Variants in CNGB1 observed in about 807,000 individuals in gnomAD.
CNGB1 encodes the protein cyclic nucleotide-gated channel beta-1.
Under a neutral mutation model 151.7 loss-of-function variants are expected in CNGB1, and 126 were observed. The observed-to-expected ratio is 0.83, with a 90% confidence interval of 0.72 to 0.96. The LOEUF is 0.96. CNGB1 is among the 40% of genes least tolerant of loss of function. CNGB1 has a pLI of 0.00. For synonymous variants in CNGB1, 623 were observed against 635.1 expected (o/e 0.98, Z 0.29); for missense variants, 1,698 against 1,627.0 (o/e 1.04, Z -0.75).
intron 2 of CNGB1, among the ~76,000 whole-genome samples, chr16:57,964,923 G>T (rs759596676): frequency 6.6e-6 from 1 of 152,152 alleles, no homozygotes; most frequent in Non-Finnish European, 1.5e-5. Flanking sequence ...AGGAGCCCAC[G>T]CCCCTCATCC....
Position 57,942,653 on chromosome 16 carries a change from G to A in CNGB1, c.1122-2332C>T, listed in dbSNP as rs112738421. On this transcript the variant is annotated intron_variant, in intron 14 of 32. Transcript: ENST00000251102. ...GCTGAGATGGGAGGATTGCTTGAGTGCAGGAGTTCGAGACCAGCCTGAACA... is the reference window on the plus strand; with the variant it reads ...GCTGAGATGGGAGGATTGCTTGAGTACAGGAGTTCGAGACCAGCCTGAACA... Among the ~76,000 whole-genome samples the A allele has an allele frequency of 9.1e-3, 1,385 of 152,076 alleles. 17 individuals are homozygous for A. Among genetic ancestry groups the A allele is most frequent in the African/African-American group, 0.032 (1,321 of 41,484 alleles).
Position 57,964,476 on chromosome 16 carries a change from C to T in CNGB1, c.217+11G>A. The T allele has an allele frequency of 6.2e-7, 1 of 1,613,980 alleles. No homozygotes were observed. On this transcript the variant is annotated intron_variant, in intron 3 of 32. Transcript: ENST00000251102. ...TGCCATGCCAGCCTGGGCTTCAGCA[C>T]TCGCACTCACCCTGAGGGCTTGGGT...
rs751092081 is a variant in CNGB1, at chr16:57,884,141, C to T, written c.*23G>A. 6.2e-6 allele frequency: 10 copies of T among 1,613,792 alleles called. No individual in the cohort carries two copies. In the African/African-American group the frequency reaches 1.3e-4, roughly 22 times the overall value. On this transcript the variant is annotated 3_prime_UTR_variant, in exon 33 of 33. Coordinates refer to ENST00000251102, the MANE Select transcript of CNGB1 (RefSeq NM_001297.5). ...TGGGGACACACCTGCTGGAACTGCG[C>T]GCGGGATCCGCCTCACCCCACCTTA... is the stretch of plus-strand genomic sequence containing the variant.
chr16:57,936,379 C>G (rs1308828426), intron 16 of CNGB1, among the ~76,000 whole-genome samples: 1 of 152,184 alleles, frequency 6.6e-6, no homozygotes, highest in African/African-American at 2.4e-5. Context: ...TCCCAGACTC[C>G]CTGTCCAAGC....
intron 29 of CNGB1, among the ~76,000 whole-genome samples, chr16:57,898,384 CT>C (rs68119010): frequency 0.11 from 15,735 of 146,608 alleles, 2,540 homozygotes; most frequent in African/African-American, 0.35. Flanking sequence ...TTCAAATTGC[CT>C]TTTTTTTTTT....
In CNGB1 at chr16:57,920,490, G is replaced by T; in HGVS notation, c.1698C>A (p.Asp566Glu). 2 of 1,614,136 alleles carry T rather than the reference G, an allele frequency of 1.2e-6. No homozygotes were observed. The highest frequency in any genetic ancestry group is 1.7e-6 in the Non-Finnish European group (2 of 1,180,038). The change falls in exon 19 of 33, where the codon GAC becomes GAA. Residue 566 changes from aspartate to glutamate, a missense_variant. Asp to Glu is a conservative substitution (Grantham distance 45). Transcript: ENST00000251102. ...TASTNSAIIN[D>E]RLQELVKLFK... ...AGAGCTTCACCAGCTCCTGGAGCCG[G>T]TCGTTGATGATGGCGCTATTTGTGC...
intron 24 of CNGB1, 136 bp downstream of exon 24, chr16:57,912,794 T>G (rs1960760762): frequency 1.2e-6 from 1 of 854,162 alleles, no homozygotes; most frequent in Non-Finnish European, 1.9e-6. Context: ...CATGTATGTG[T>G]GTATGTTGTG....
intron 13 of CNGB1, 141 bp from the exon 14 acceptor site, chr16:57,949,580 C>A: frequency 7.2e-7 from 1 of 1,382,310 alleles, no homozygotes; most frequent in Non-Finnish European, 1.0e-6. Flanking sequence ...ACCTGGGGAG[C>A]CCCACCCGAG....
At chr16:57,947,962 C>T (rs1246555171) in intron 14 of CNGB1, among the ~76,000 whole-genome samples, 3 of 152,186 alleles carry the variant, frequency 2.0e-5, no homozygotes, top group Admixed American at 1.3e-4. Flanking sequence ...GTGGAGTTGG[C>T]GTTTCTGATG....
intron 24 of CNGB1, 137 bp downstream of exon 24, chr16:57,912,789 ATGTG>A (rs1232839005): frequency 5.0e-6 from 4 of 796,556 alleles, no homozygotes; most frequent in East Asian, 2.7e-5. Flanking sequence ...GTGTGCATGT[ATGTG>A]TGTATGTTGT....
Position 57,949,363 on chromosome 16 carries a change from C to T in CNGB1, c.1111G>A (p.Glu371Lys). The stretch of plus-strand genomic sequence containing the variant: ...GAGCAAATGACTTACTCAGTCACCT[C>T]CTCCTCTTCCTCCTCCTCCTCCTCT... ...EEEEEEEEEE[E>K]VTEVLLDSCV... is the part of the protein sequence containing the mutation. The change falls in exon 14 of 33, where the codon GAG (glutamate) becomes AAG (lysine). Residue 371 changes from glutamate to lysine, a missense_variant. Transcript: ENST00000251102. 1 of 1,611,010 alleles carries T rather than the reference C, an allele frequency of 6.2e-7. No homozygotes were observed. The highest frequency in any genetic ancestry group is 8.5e-7 in the Non-Finnish European group (1 of 1,179,962).
At chr16:57,935,856 G>A (rs1447393617) in intron 16 of CNGB1, among the ~76,000 whole-genome samples, 1 of 151,942 alleles carries the variant, frequency 6.6e-6, no homozygotes, top group Non-Finnish European at 1.5e-5. Flanking sequence ...GGCCGGGGTG[G>A]CACCCCTTAC....
intron 31 of CNGB1, among the ~76,000 whole-genome samples, chr16:57,890,951 G>A (rs529027756): frequency 6.4e-4 from 98 of 152,298 alleles, no homozygotes; most frequent in Admixed American, 2.1e-3. Flanking sequence ...CCATTCCTTC[G>A]CCTGGCTGCC....
rs1236550821 is a variant in CNGB1, at chr16:57,882,423, A to G, written c.*1741T>C. On this transcript the variant is annotated 3_prime_UTR_variant, in exon 33 of 33. Transcript: ENST00000251102. The stretch of plus-strand genomic sequence containing the variant: ...CGGATCACGTGACAAGCCATCAACT[A>G]GACAAATCTGTTTCTGACTCTGGGG... 1.3e-5 allele frequency: 2 copies of G among 152,114 alleles called. No individual in the cohort carries two copies. The highest frequency in any genetic ancestry group is 2.9e-5 in the Non-Finnish European group (2 of 68,028). 9.4% of individuals were successfully genotyped at this position (152,114 alleles called of 1,614,324 possible). A position where few individuals can be genotyped will look rare whatever the true frequency, so the allele number is the denominator to read the frequency against.
chr16:57,888,164 T>C (rs1959987315), intron 31 of CNGB1, 90 bp from the exon 32 acceptor site: 2 of 1,370,994 alleles, frequency 1.5e-6, no homozygotes, highest in Non-Finnish European at 2.0e-6. Flanking sequence ...GCTGGAGCTG[T>C]GTAGTGGTGG....
chr16:57,887,231 C>T (rs763816467), intron 32 of CNGB1, among the ~76,000 whole-genome samples: 3 of 152,088 alleles, frequency 2.0e-5, no homozygotes, highest in Admixed American at 2.0e-4. Context: ...TATGAGGACA[C>T]ACTGTCTTCT....
rs1260460556 is a variant in CNGB1 at position 57,884,450 on chromosome 16, C to T, written c.3470G>A (p.Ser1157Asn). Residue 1157 changes from serine (S) to asparagine (N), a missense_variant, in exon 33 of 33, where the codon AGC becomes AAC. Ser to Asn is a conservative substitution (Grantham distance 46). Transcript: ENST00000251102. ...KQQELVEQAKSSQDVKGEEGS... is the reference protein window; with the variant it reads ...KQQELVEQAKNSQDVKGEEGS... Reference sequence around the variant, plus strand: ...TTCCTCTCCCTTGACGTCTTGCGAGCTCTTGGCCTGGAATCCAGAAAGGGT... The same window carrying T: ...TTCCTCTCCCTTGACGTCTTGCGAGTTCTTGGCCTGGAATCCAGAAAGGGT... 6.2e-7 allele frequency: 1 copy of T among 1,613,558 alleles called. No homozygotes were observed. The highest frequency in any genetic ancestry group is 1.1e-5 in the South Asian group (1 of 91,048).
At chr16:57,884,851 G>GT (rs1959867515) in intron 32 of CNGB1, among the ~76,000 whole-genome samples, 1 of 152,102 alleles carries the variant, frequency 6.6e-6, no homozygotes, top group Non-Finnish European at 1.5e-5. Flanking sequence ...CTGTTACCAG[G>GT]GGTGGGCACT....
intron 18 of CNGB1, 104 bp downstream of exon 18, chr16:57,923,169 T>G: frequency 4.8e-6 from 4 of 832,110 alleles, no homozygotes; most frequent in Non-Finnish European, 7.5e-6. Context: ...ACTGGCAAAG[T>G]CTGCCTTGCG....
Sources: allele counts gnomAD v4.1 joint callset (sites outside exome capture counted in the v4.1 genomes callset), GRCh38; gene constraint gnomAD v4.1.1; transcripts MANE v1.5; gene names NCBI Gene and HGNC (gene_info 2026-07-23, HGNC 2026-07-21).